Variants in NDST4 observed in about 807,000 individuals in gnomAD.
NDST4 encodes N-deacetylase and N-sulfotransferase 4, also known as N-heparan sulfate sulfotransferase 4.
A neutral mutation model predicts 100.8 loss-of-function variants in NDST4; 63 were observed. The ratio of observed to expected loss-of-function variants is 0.62; its 90% CI spans 0.51 to 0.77. The LOEUF (loss-of-function observed/expected upper bound fraction) is 0.77. Among genes scored for constraint, NDST4 ranks in the 30% least tolerant of loss-of-function variants. NDST4 has a pLI of 0.00. For synonymous variants in NDST4, 377 were observed against 361.8 expected (o/e 1.04, Z -0.48); for missense variants, 943 against 1,018.4 (o/e 0.93, Z 1.01).
chr4:114,944,058 A>G (rs1440054942), intron 4 of NDST4, among the ~76,000 whole-genome samples: 1 of 152,162 alleles, frequency 6.6e-6, no homozygotes, highest in Non-Finnish European at 1.5e-5. Flanking sequence ...ATACTTTCCT[A>G]GGTCCCACAG....
rs558137130 is a variant in NDST4, at chr4:114,829,613, G to A, written c.2499+177C>T. On this transcript the variant is annotated intron_variant, in intron 13 of 13. Coordinates refer to ENST00000264363, the MANE Select transcript of NDST4 (RefSeq NM_022569.3). ...ATATTAATTTTAGTATCTATCTACCGATCTCTATCTATCTATCATTTCTAT... is the reference window on the plus strand; with the variant it reads ...ATATTAATTTTAGTATCTATCTACCAATCTCTATCTATCTATCATTTCTAT... Among the ~76,000 whole-genome samples, 7 of 151,952 alleles carry A rather than the reference G, an allele frequency of 4.6e-5. No individual in the cohort carries two copies. The South Asian group carries it at 1.5e-3, about 32-fold the overall frequency.
At chr4:115,003,222 T>C (rs1012019277) in intron 2 of NDST4, among the ~76,000 whole-genome samples, 38 of 152,150 alleles carry the variant, frequency 2.5e-4, no homozygotes, top group African/African-American at 9.2e-4. Context: ...GTTCTGCATA[T>C]GTATCCCAGA....
intron 1 of NDST4, among the ~76,000 whole-genome samples, chr4:115,081,482 G>A (rs560025341): frequency 2.0e-5 from 3 of 152,090 alleles, no homozygotes; most frequent in Non-Finnish European, 2.9e-5. Context: ...CCCTTGAAAA[G>A]GTGGGGGAAA....
chr4:114,954,115 T>C (rs1726083031), intron 4 of NDST4, among the ~76,000 whole-genome samples: 1 of 152,186 alleles, frequency 6.6e-6, no homozygotes, highest in African/African-American at 2.4e-5. Flanking sequence ...TCTAAACATT[T>C]AGCAAATTTT....
chr4:115,078,616 G>A (rs1236605939), intron 1 of NDST4, among the ~76,000 whole-genome samples: 1 of 151,990 alleles, frequency 6.6e-6, no homozygotes, highest in African/African-American at 2.4e-5. Context: ...AGTGGTGGGT[G>A]GATCACGAGG....
chr4:115,001,045 T>A (rs1418536722), intron 2 of NDST4, among the ~76,000 whole-genome samples: 2 of 152,048 alleles, frequency 1.3e-5, no homozygotes, highest in Non-Finnish European at 2.9e-5. Context: ...ACTCTTCATC[T>A]CCCTCAAAGA....
intron 3 of NDST4, 21 bp from the exon 4 acceptor site, chr4:114,970,605 A>T (rs1177073293): frequency 6.3e-7 from 1 of 1,588,166 alleles, no homozygotes; most frequent in Non-Finnish European, 8.6e-7. Context: ...TAAAGTTAAA[A>T]ATAACTTTAG....
chr4:115,040,081 GT>G (rs1446342103), intron 2 of NDST4, among the ~76,000 whole-genome samples: 2 of 151,436 alleles, frequency 1.3e-5, no homozygotes. Flanking sequence ...ATTATTTATA[GT>G]TTTTGCAAAG....
chr4:114,892,864 C>T (rs760126869), intron 6 of NDST4, among the ~76,000 whole-genome samples: 10 of 151,722 alleles, frequency 6.6e-5, no homozygotes, highest in Non-Finnish European at 1.3e-4. Flanking sequence ...TGGTGGTTTG[C>T]TGTACCTATT....
chr4:115,028,547 C>T lies in NDST4; in HGVS notation c.978+47512G>A, dbSNP rs115563983. Among the ~76,000 whole-genome samples the T allele has an allele frequency of 6.8e-3, 1,018 of 149,438 alleles. 8 individuals carry two copies. The highest frequency in any genetic ancestry group is 0.022 in the African/African-American group (881 of 40,356). ...GCAACAAAATTCCTGGAGAAGAATA[C>T]CAAATTAGAAGAGAATACCAAAAAA... On this transcript the variant is annotated intron_variant, in intron 2 of 13. Coordinates refer to ENST00000264363, the MANE Select transcript of NDST4 (RefSeq NM_022569.3).
At chr4:115,031,335 G>C (rs1728111640) in intron 2 of NDST4, among the ~76,000 whole-genome samples, 1 of 152,016 alleles carries the variant, frequency 6.6e-6, no homozygotes, top group Admixed American at 6.6e-5. Context: ...AATAATGCCT[G>C]GCTTGAGTAA....
In NDST4 at chr4:115,029,207, T is replaced by G. The variant is rs576699559; in HGVS notation, c.978+46852A>C. Among the ~76,000 whole-genome samples, 7 of 152,092 alleles carry G rather than the reference T, an allele frequency of 4.6e-5. No individual in the cohort carries two copies. In the South Asian group the frequency reaches 1.0e-3, roughly 23 times the overall value. Reference sequence around the variant, plus strand: ...AAGAACAGCTGCAACCAGAAAGGGATGTGAGGTCAAAGAAGGGTTTTTAAG... The same window carrying G: ...AAGAACAGCTGCAACCAGAAAGGGAGGTGAGGTCAAAGAAGGGTTTTTAAG... On this transcript the variant is annotated intron_variant, in intron 2 of 13. Transcript: ENST00000264363.
At chr4:114,990,035 T>G (rs997266382) in intron 2 of NDST4, among the ~76,000 whole-genome samples, 4 of 152,142 alleles carry the variant, frequency 2.6e-5, no homozygotes, top group African/African-American at 7.2e-5. Flanking sequence ...TTCCATTTTT[T>G]TTTATGTCTG....
intron 6 of NDST4, among the ~76,000 whole-genome samples, chr4:114,894,303 A>G (rs1033650193): frequency 6.6e-6 from 1 of 152,152 alleles, no homozygotes; most frequent in Non-Finnish European, 1.5e-5. Flanking sequence ...TGCTGAGAAT[A>G]GCATTGAATC....
At chr4:114,993,794 G>A (rs1578438350) in intron 2 of NDST4, among the ~76,000 whole-genome samples, 1 of 151,954 alleles carries the variant, frequency 6.6e-6, no homozygotes, top group East Asian at 1.9e-4. Flanking sequence ...CTAGTTTTCA[G>A]TTGTACCACT....
chr4:115,033,415 C>T (rs939792215), intron 2 of NDST4, among the ~76,000 whole-genome samples: 1 of 151,444 alleles, frequency 6.6e-6, no homozygotes, highest in Non-Finnish European at 1.5e-5. Context: ...CCTGCGTAGT[C>T]CTGCTATTAA....
intron 2 of NDST4, among the ~76,000 whole-genome samples, chr4:114,994,348 T>A (rs1727114193): frequency 1.3e-5 from 2 of 151,992 alleles, no homozygotes; most frequent in South Asian, 4.1e-4. Context: ...AGAGAACCTT[T>A]CTTTCTTTGC....
chr4:114,981,216 T>TGGAAGGAAGGAA (rs61595600), intron 2 of NDST4, among the ~76,000 whole-genome samples: 48 of 137,140 alleles, frequency 3.5e-4, no homozygotes, highest in East Asian at 8.5e-4. Context: ...GAAGAAAGGA[T>TGGAAGGAAGGAA]GGAAGGAAGG....
At chr4:115,055,853 A>G (rs1360201137) in intron 2 of NDST4, among the ~76,000 whole-genome samples, 1 of 152,176 alleles carries the variant, frequency 6.6e-6, no homozygotes, top group Non-Finnish European at 1.5e-5. Flanking sequence ...ATCTCTGTGC[A>G]GCAGATAATC....
Sources: gnomAD v4.1 joint callset for allele counts (sites outside exome capture counted in the v4.1 genomes callset) on GRCh38, gnomAD v4.1.1 for gene constraint, MANE v1.5 for transcripts, NCBI Gene and HGNC (gene_info 2026-07-23, HGNC 2026-07-21) for gene names.